OSBPL3: variants seen among roughly 807,000 people sequenced by gnomAD.
OSBPL3 encodes the protein oxysterol-binding protein-related protein 3.
Under a neutral mutation model 120.1 loss-of-function variants are expected in OSBPL3, and 65 were observed. The ratio of observed to expected loss-of-function variants is 0.54; its 90% CI spans 0.44 to 0.67. The LOEUF (loss-of-function observed/expected upper bound fraction) is 0.67, where lower values mean the gene tolerates loss of function less well. Among genes scored for constraint, OSBPL3 ranks in the 30% least tolerant of loss-of-function variants. The probability of loss-of-function intolerance (pLI) is 0.00; values close to 1 mark genes in which losing one functional copy is unlikely to be tolerated. For missense variants in OSBPL3, 1,004 were observed against 1,082.1 expected (o/e 0.93, Z 1.01); for synonymous variants, 416 against 402.6 (o/e 1.03, Z -0.40).
rs1410837085 is a variant in OSBPL3 at position 24,959,247 on chromosome 7, C to T, written c.-150+20639G>A. On this transcript the variant is annotated intron_variant, in intron 1 of 22. Transcript: ENST00000313367. This position sits in a 1 kb window ranked among gnomAD's most constrained non-coding sequence, Gnocchi z 4.3. ...TTGGTATATACTCAATAAAAACGCA[C>T]ACATTTGTTCACCAAAAGTTATGTA... 6.6e-6 allele frequency among the ~76,000 whole-genome samples: 1 copy of T among 152,018 alleles called. No individual in the cohort carries two copies. Among genetic ancestry groups the T allele is most frequent in the Non-Finnish European group, 1.5e-5 (1 of 68,004 alleles).
Position 24,849,235 on chromosome 7 carries a change from G to T in OSBPL3, c.1159-59C>A. 7.6e-7 allele frequency: 1 copy of T among 1,313,164 alleles called. No homozygotes were observed. Among genetic ancestry groups the T allele is most frequent in the Non-Finnish European group, 1.1e-6 (1 of 914,388 alleles). The allele number at this position is 1,313,164 out of a possible 1,614,324, so 81.3% of individuals were successfully genotyped here. On this transcript the variant is annotated intron_variant, in intron 11 of 22. Transcript: ENST00000313367. The surrounding 1 kb of genome is among the most constrained non-coding windows in gnomAD (Gnocchi z 5.4). Reference sequence around the variant, plus strand: ...TAAATGGATGTTTCAGAAAAGCACAGCAGTGGGCCCTGCAGGAGCGATCTC... The same window carrying T: ...TAAATGGATGTTTCAGAAAAGCACATCAGTGGGCCCTGCAGGAGCGATCTC...
chr7:24,845,374 G>T (rs1798279723), intron 12 of OSBPL3, among the ~76,000 whole-genome samples: 1 of 47,162 alleles, frequency 2.1e-5, no homozygotes, highest in Non-Finnish European at 3.8e-5. Flanking sequence ...TACAAATATT[G>T]CAAAATAAGT....
rs371227049 is a variant in OSBPL3, at chr7:24,956,638, C to A, written c.-150+23248G>T. On this transcript the variant is annotated intron_variant, in intron 1 of 22. Transcript: ENST00000313367. ...TAAAGTTAGTCTCATTGTTAGACCT[C>A]AAACTTCTGATTCTTTGTATTCTTC... Among the ~76,000 whole-genome samples, 110 of 152,326 alleles carry A rather than the reference C, an allele frequency of 7.2e-4. 4 individuals carry two copies. The highest frequency in any genetic ancestry group is 1.9e-3 in the African/African-American group (78 of 41,584).
rs138450826 is a variant in OSBPL3, at chr7:24,878,645, T to C, written c.97-6576A>G. Reference sequence around the variant, plus strand: ...CACTGAGAACTGGAGTTGTTGTTTCTTGTTAAATGTTTCTCAGCTATGGTT... The same window carrying C: ...CACTGAGAACTGGAGTTGTTGTTTCCTGTTAAATGTTTCTCAGCTATGGTT... On this transcript the variant is annotated intron_variant, in intron 2 of 22. Coordinates refer to ENST00000313367, the MANE Select transcript of OSBPL3 (RefSeq NM_015550.4). 4.6e-5 allele frequency among the ~76,000 whole-genome samples: 7 copies of C among 152,346 alleles called. No homozygotes were observed. In the East Asian group the frequency reaches 1.2e-3, roughly 25 times the overall value.
intron 10 of OSBPL3, among the ~76,000 whole-genome samples, chr7:24,857,943 A>C (rs1800036665): frequency 6.6e-6 from 1 of 152,200 alleles, no homozygotes; most frequent in Non-Finnish European, 1.5e-5. Flanking sequence ...TTTATGGGTA[A>C]AGTGTTCCAT....
chr7:24,816,494 A>G (rs1254606369), intron 18 of OSBPL3, 116 bp downstream of exon 18: 2 of 713,762 alleles, frequency 2.8e-6, no homozygotes, highest in East Asian at 5.0e-5. Context: ...GACAGATTAA[A>G]AGAAAAAATA....
chr7:24,944,016 A>C (rs1158369660), intron 1 of OSBPL3, among the ~76,000 whole-genome samples: 1 of 151,686 alleles, frequency 6.6e-6, no homozygotes, highest in Non-Finnish European at 1.5e-5. Context: ...AGTAGTCAAT[A>C]ATTTCCTTTC....
In OSBPL3 at chr7:24,855,117, G is replaced by T. The variant is rs78711634; in HGVS notation, c.1028-2483C>A. On this transcript the variant is annotated intron_variant, in intron 10 of 22. Transcript: ENST00000313367. This position sits in a 1 kb window ranked among gnomAD's most constrained non-coding sequence, Gnocchi z 4.3. ...TGGAGCTGTAGGAGAACAGCCTTGG[G>T]AGGAGAGCAGCAAGCCACACAGTTA... Among the ~76,000 whole-genome samples the T allele has an allele frequency of 0.075, 11,442 of 152,236 alleles. 579 individuals are homozygous for T. Among genetic ancestry groups the T allele is most frequent in the Non-Finnish European group, 0.12 (7,856 of 67,996 alleles).
At chr7:24,829,355 T>C (rs1796097182) in intron 16 of OSBPL3, among the ~76,000 whole-genome samples, 1 of 152,224 alleles carries the variant, frequency 6.6e-6, no homozygotes, top group Non-Finnish European at 1.5e-5. Context: ...ATGTTTAATT[T>C]CTTGTTTTAG....
rs35124258 is a variant in OSBPL3 at position 24,852,912 on chromosome 7, G to A, written c.1028-278C>T. 0.19 allele frequency among the ~76,000 whole-genome samples: 28,419 copies of A among 151,894 alleles called. 2,995 individuals carry two copies. Among genetic ancestry groups the A allele is most frequent in the East Asian group, 0.45 (2,316 of 5,166 alleles). On this transcript the variant is annotated intron_variant, in intron 10 of 22. Coordinates refer to ENST00000313367, the MANE Select transcript of OSBPL3 (RefSeq NM_015550.4). This position sits in a 1 kb window ranked among gnomAD's most constrained non-coding sequence, Gnocchi z 4.1. ...TGTGGGATGCTGATGGCGGGGGGACGGTGCCTACATGGGAGCAGGGGGCTT... is the reference window on the plus strand; with the variant it reads ...TGTGGGATGCTGATGGCGGGGGGACAGTGCCTACATGGGAGCAGGGGGCTT...
At chr7:24,848,248 A>G (rs1016481974) in intron 12 of OSBPL3, among the ~76,000 whole-genome samples, 5 of 152,236 alleles carry the variant, frequency 3.3e-5, no homozygotes, top group Admixed American at 6.5e-5. Flanking sequence ...ATTAAACATT[A>G]CAAACTTCTT....
intron 12 of OSBPL3, among the ~76,000 whole-genome samples, chr7:24,842,628 T>C (rs1797921416): frequency 6.6e-6 from 1 of 152,162 alleles, no homozygotes; most frequent in African/African-American, 2.4e-5. Context: ...CTATCACTTC[T>C]CACACACATG....
chr7:24,840,726 G>T lies in OSBPL3; in HGVS notation c.1459C>A (p.Leu487Ile). ...CTCTCATTATCTAAATCATTACTGA[G>T]ATTATCTAAGGAAAGATTATCACTT... ...DISDNLSLDN[L>I]SNDLDNERQT... Residue 487 changes from leucine to isoleucine, a missense_variant, in exon 14 of 23, where the codon CTC becomes ATC. Transcript: ENST00000313367. 2 of 1,460,104 alleles carry T rather than the reference G, an allele frequency of 1.4e-6. No individual in the cohort carries two copies. The highest frequency in any genetic ancestry group is 1.9e-6 in the Non-Finnish European group (2 of 1,062,216). The allele number at this position is 1,460,104 out of a possible 1,614,324, so 90.4% of individuals were successfully genotyped here. A position where few individuals can be genotyped will look rare whatever the true frequency, so the allele number is the denominator to read the frequency against.
Position 24,852,060 on chromosome 7 carries a change from C to A in OSBPL3, c.1158+444G>T, listed in dbSNP as rs1462790602. On this transcript the variant is annotated intron_variant, in intron 11 of 22. Transcript: ENST00000313367. The surrounding 1 kb of genome is among the most constrained non-coding windows in gnomAD (Gnocchi z 4.1). ...AGTGGTAAACAGGATCAGTGCTTTGCAATAGGGAAGATAAGAGCATGAATT... is the reference window on the plus strand; with the variant it reads ...AGTGGTAAACAGGATCAGTGCTTTGAAATAGGGAAGATAAGAGCATGAATT... Among the ~76,000 whole-genome samples, 2 of 152,100 alleles carry A rather than the reference C, an allele frequency of 1.3e-5. No homozygotes were observed. Among genetic ancestry groups the A allele is most frequent in the East Asian group, 3.8e-4 (2 of 5,202 alleles).
chr7:24,819,852 ATAAAAT>A lies in OSBPL3; in HGVS notation c.1948+317_1948+322del, dbSNP rs1794905839. ...AGCAATGTAAAACACGACTTCAGAA[ATAAAAT>A]TTAAGTTTGACAAAAGCTGAAAACC... On this transcript the variant is annotated intron_variant, in intron 17 of 22. Transcript: ENST00000313367. The surrounding 1 kb of genome is among the most constrained non-coding windows in gnomAD (Gnocchi z 4.1). Among the ~76,000 whole-genome samples, 2 of 152,250 alleles carry A rather than the reference ATAAAAT, an allele frequency of 1.3e-5. No individual in the cohort carries two copies. Among genetic ancestry groups the A allele is most frequent in the Non-Finnish European group, 2.9e-5 (2 of 68,052 alleles).
intron 19 of OSBPL3, among the ~76,000 whole-genome samples, chr7:24,814,674 C>T (rs1481121217): frequency 6.6e-6 from 1 of 152,190 alleles, no homozygotes; most frequent in Non-Finnish European, 1.5e-5. Flanking sequence ...GGGCGACCAC[C>T]ATTCTGCTTT....
rs771275988 is a variant in OSBPL3 at position 24,870,747 on chromosome 7, G to A, written c.366C>T (p.His122=). The A allele has an allele frequency of 1.2e-6, 2 of 1,603,636 alleles. No individual in the cohort carries two copies. The highest frequency in any genetic ancestry group is 3.3e-5 in the Admixed American group (2 of 60,018). ...SKCIDLDTEE[H]IYHLKVKSEE... Reference sequence around the variant, plus strand: ...GCAGCCTCACCTTCAGATGGTAGATGTGCTCCTCGGTGTCAAGGTCTATGC... The same window carrying A: ...GCAGCCTCACCTTCAGATGGTAGATATGCTCCTCGGTGTCAAGGTCTATGC... The change falls in exon 5 of 23, where the codon CAC becomes CAT. Residue 122 remains histidine (H), a synonymous_variant. Coordinates refer to ENST00000313367, the MANE Select transcript of OSBPL3 (RefSeq NM_015550.4).
chr7:24,939,413 G>T lies in OSBPL3; in HGVS notation c.-150+40473C>A, dbSNP rs1490503380. Among the ~76,000 whole-genome samples the T allele has an allele frequency of 5.3e-5, 8 of 152,178 alleles. No individual in the cohort carries two copies. The highest frequency in any genetic ancestry group is 1.0e-4 in the Non-Finnish European group (7 of 68,028). On this transcript the variant is annotated intron_variant, in intron 1 of 22. Coordinates refer to ENST00000313367, the MANE Select transcript of OSBPL3 (RefSeq NM_015550.4). The surrounding 1 kb of genome is among the most constrained non-coding windows in gnomAD (Gnocchi z 4.2). ...AATCCTGACAATTCTAAACCTATCA[G>T]GTAAAATCCCATTTCCCCTTGCTAT...
intron 10 of OSBPL3, among the ~76,000 whole-genome samples, chr7:24,853,223 C>T (rs138955473): frequency 0.012 from 1,784 of 152,262 alleles, 17 homozygotes; most frequent in Middle Eastern, 0.044. Flanking sequence ...GTTAACACTA[C>T]AGCAGAAAAA....
Sources: allele counts gnomAD v4.1 joint callset (sites outside exome capture counted in the v4.1 genomes callset), GRCh38; gene constraint gnomAD v4.1.1; non-coding constraint Gnocchi (gnomAD v3.1); transcripts MANE v1.5; gene names NCBI Gene and HGNC (gene_info 2026-07-23, HGNC 2026-07-21).